Variants in INPP4B observed in about 807,000 individuals in gnomAD.
INPP4B encodes the protein inositol polyphosphate 4-phosphatase type II.
INPP4B carries 55 observed loss-of-function variants against 122.5 expected under a neutral mutation model. The ratio of observed to expected loss-of-function variants is 0.45; its 90% CI spans 0.36 to 0.56. INPP4B has a LOEUF of 0.56. Ranked by LOEUF, INPP4B falls within the 20% of genes least tolerant of loss-of-function variation. The pLI is 0.00. For synonymous variants in INPP4B, 403 were observed against 388.7 expected, an observed-to-expected ratio of 1.04 and a Z score of -0.43; for missense variants, 1,000 against 1,097.7, an observed-to-expected ratio of 0.91 and a Z score of 1.26.
chr4:142,620,398 C>T (rs909655089), intron 2 of INPP4B, among the ~76,000 whole-genome samples: 2 of 151,910 alleles, frequency 1.3e-5, no homozygotes, highest in Non-Finnish European at 2.9e-5. Flanking sequence ...TGAATTAATG[C>T]AGGAACAGAA....
In INPP4B at chr4:142,026,927, A is replaced by C. The variant is rs981724274; in HGVS notation, c.*1855T>G. ...CTCAGACTACCATTTGATATGCTGA[A>C]TGAGGCTTCATAGCTATTCAAGGAG... On this transcript the variant is annotated 3_prime_UTR_variant, in exon 26 of 26. Transcript: ENST00000262992. 1 of 151,256 alleles carries C rather than the reference A, an allele frequency of 6.6e-6. No individual in the cohort carries two copies. The highest frequency in any genetic ancestry group is 2.4e-5 in the African/African-American group (1 of 41,038). 9.4% of individuals were successfully genotyped at this position (151,256 alleles called of 1,614,324 possible).
At chr4:142,416,009 G>T (rs1253959943) in intron 5 of INPP4B, among the ~76,000 whole-genome samples, 2 of 151,750 alleles carry the variant, frequency 1.3e-5, no homozygotes, top group African/African-American at 4.8e-5. Flanking sequence ...GTTGTGGGGT[G>T]GGGTGAGGGG....
intron 25 of INPP4B, among the ~76,000 whole-genome samples, chr4:142,046,877 G>A (rs1029827324): frequency 6.6e-6 from 1 of 152,076 alleles, no homozygotes; most frequent in African/African-American, 2.4e-5. Flanking sequence ...GAGACACCAT[G>A]TATTAAAAAG....
chr4:142,168,505 C>A (rs1823980396), intron 16 of INPP4B, among the ~76,000 whole-genome samples: 1 of 151,484 alleles, frequency 6.6e-6, no homozygotes, highest in Admixed American at 6.6e-5. Context: ...TGTTTTCAAA[C>A]CTTGTTAGGG....
intron 12 of INPP4B, among the ~76,000 whole-genome samples, chr4:142,216,197 A>G (rs1847178641): frequency 6.6e-6 from 1 of 152,048 alleles, no homozygotes; most frequent in Non-Finnish European, 1.5e-5. Context: ...AACACATACA[A>G]TCTCATGAAT....
chr4:142,334,942 C>A (rs1776044065), intron 7 of INPP4B, among the ~76,000 whole-genome samples: 1 of 151,600 alleles, frequency 6.6e-6, no homozygotes, highest in Non-Finnish European at 1.5e-5. Flanking sequence ...TGATGGTGAG[C>A]TACTTTTAAA....
chr4:142,358,858 A>C (rs1313903125), intron 7 of INPP4B, among the ~76,000 whole-genome samples: 1 of 151,962 alleles, frequency 6.6e-6, no homozygotes, highest in Non-Finnish European at 1.5e-5. Flanking sequence ...GCCTAGATGC[A>C]ACATTGCTGT....
At chr4:142,627,061 C>T (rs188263628) in intron 2 of INPP4B, among the ~76,000 whole-genome samples, 3 of 152,082 alleles carry the variant, frequency 2.0e-5, no homozygotes, top group Admixed American at 6.6e-5. Context: ...CTACAAGAGC[C>T]CTTCACTGTG....
intron 2 of INPP4B, among the ~76,000 whole-genome samples, chr4:142,633,200 A>C (rs1748367987): frequency 6.6e-6 from 1 of 152,052 alleles, no homozygotes; most frequent in African/African-American, 2.4e-5. Flanking sequence ...GGAATATATA[A>C]AATATCTTAA....
At chr4:142,803,854 C>G (rs1309598464) in intron 1 of INPP4B, among the ~76,000 whole-genome samples, 2 of 151,770 alleles carry the variant, frequency 1.3e-5, no homozygotes, top group Non-Finnish European at 2.9e-5. Flanking sequence ...GTCAGGACTT[C>G]GAAACCAGCC....
At chr4:142,681,882 TTGCTGTCTA>T (rs1403567640) in intron 2 of INPP4B, among the ~76,000 whole-genome samples, 1 of 151,878 alleles carries the variant, frequency 6.6e-6, no homozygotes, top group African/African-American at 2.4e-5. Context: ...TTGGCAGATA[TTGCTGTCTA>T]TGCTTTACCA....
chr4:142,423,662 A>G (rs1807406611), intron 5 of INPP4B: 1 of 264,004 alleles, frequency 3.8e-6, no homozygotes, highest in Admixed American at 5.2e-5. Flanking sequence ...CTGAATTTTA[A>G]TCATTAAACT....
At chr4:142,303,958 G>A (rs1762444838) in intron 9 of INPP4B, among the ~76,000 whole-genome samples, 1 of 152,220 alleles carries the variant, frequency 6.6e-6, no homozygotes, top group Admixed American at 6.5e-5. Context: ...CTTGTCCCCT[G>A]ATTTCTGTTT....
intron 12 of INPP4B, among the ~76,000 whole-genome samples, chr4:142,215,823 G>A (rs1412677059): frequency 2.1e-5 from 3 of 145,482 alleles, no homozygotes; most frequent in African/African-American, 5.1e-5. Context: ...AACCCAGGAG[G>A]CGGAGCTTGC....
chr4:142,029,160 C>CTCTT (rs1327914297), intron 25 of INPP4B: 190 of 1,180,862 alleles, frequency 1.6e-4, no homozygotes, highest in Middle Eastern at 3.5e-4. Flanking sequence ...ATTTAATAAA[C>CTCTT]TCTTTAAATA....
chr4:142,108,068 T>G lies in INPP4B; in HGVS notation c.2374+25A>C, dbSNP rs1171079179. On this transcript the variant is annotated intron_variant, in intron 23 of 25. Transcript: ENST00000262992. ...TTTATAATCAAGAAGCTATTATTGC[T>G]GTCTTCTCTAACTCACATACTTACA... 6 of 1,145,276 alleles carry G rather than the reference T, an allele frequency of 5.2e-6. No homozygotes were observed. In the South Asian group the frequency reaches 6.4e-5, roughly 12 times the overall value. 70.9% of individuals were successfully genotyped at this position (1,145,276 alleles called of 1,614,324 possible).
At position 142,518,725 on chromosome 4, in the gene INPP4B, A is replaced by G. The variant is rs115987542; in HGVS notation, c.-190-55999T>C. On this transcript the variant is annotated intron_variant, in intron 2 of 25. Transcript: ENST00000262992. ...TAGGAGAGCCTGTTGCAATGTAAAAAAGACACTCAAGTAGCTCAGTGGAAT... is the reference window on the plus strand; with the variant it reads ...TAGGAGAGCCTGTTGCAATGTAAAAGAGACACTCAAGTAGCTCAGTGGAAT... 9.4e-3 allele frequency: 1,427 copies of G among 152,322 alleles called. 17 individuals carry two copies. The highest frequency in any genetic ancestry group is 0.032 in the African/African-American group (1,345 of 41,582). 9.4% of individuals were successfully genotyped at this position (152,322 alleles called of 1,614,324 possible). A position where few individuals can be genotyped will look rare whatever the true frequency, so the allele number is the denominator to read the frequency against.
intron 2 of INPP4B, among the ~76,000 whole-genome samples, chr4:142,630,415 C>A (rs772361730): frequency 4.6e-5 from 7 of 151,912 alleles, no homozygotes; most frequent in Non-Finnish European, 8.8e-5. Flanking sequence ...TTTTTATATT[C>A]TAAACACATT....
intron 2 of INPP4B, among the ~76,000 whole-genome samples, chr4:142,642,385 G>T (rs1750707505): frequency 6.6e-6 from 1 of 152,144 alleles, no homozygotes; most frequent in South Asian, 2.1e-4. Context: ...TTCTTCTAGG[G>T]TTTTTATGGT....
Sources: allele counts gnomAD v4.1 joint callset (sites outside exome capture counted in the v4.1 genomes callset), GRCh38; gene constraint gnomAD v4.1.1; transcripts MANE v1.5; gene names NCBI Gene and HGNC (gene_info 2026-07-23, HGNC 2026-07-21).